DLGAP2: variants seen among roughly 807,000 people sequenced by gnomAD.
The protein encoded by DLGAP2 is disks large-associated protein 2.
In DLGAP2, 26 loss-of-function variants were observed where a neutral mutation model predicts 100.3. The observed-to-expected ratio is 0.26, with a 90% CI of 0.19 to 0.36. DLGAP2 has a LOEUF of 0.36. DLGAP2 is among the 10% of genes least tolerant of loss of function. The pLI is 1.00. For missense variants in DLGAP2, 1,858 were observed against 1,453.2 expected (o/e 1.28, Z -4.53); for synonymous variants, 886 against 630.1 (o/e 1.41, Z -6.08).
At chr8:1,457,996 AT>A (rs1168077354) in intron 3 of DLGAP2, among the ~76,000 whole-genome samples, 2 of 139,176 alleles carry the variant, frequency 1.4e-5, no homozygotes, top group Non-Finnish European at 1.5e-5. Flanking sequence ...ATATATATAT[AT>A]ATATATATAT....
At chr8:876,391 T>C (rs1797687536) in intron 1 of DLGAP2, among the ~76,000 whole-genome samples, 1 of 152,182 alleles carries the variant, frequency 6.6e-6, no homozygotes, top group African/African-American at 2.4e-5. Flanking sequence ...AAGAATAGGT[T>C]TTCTGGATAC....
chr8:762,404 C>G (rs903074728), intron 1 of DLGAP2, among the ~76,000 whole-genome samples: 13 of 152,170 alleles, frequency 8.5e-5, no homozygotes, highest in African/African-American at 2.9e-4. Context: ...TGAGAACTTT[C>G]AAGCATGTAA....
intron 1 of DLGAP2, among the ~76,000 whole-genome samples, chr8:860,537 C>T (rs1028407657): frequency 5.3e-5 from 8 of 152,336 alleles, no homozygotes; most frequent in Admixed American, 1.3e-4. Context: ...CCCGGCAAAC[C>T]GTCTGCATTT....
chr8:1,645,155 A>G (rs2130801239), intron 8 of DLGAP2, among the ~76,000 whole-genome samples: 1 of 152,368 alleles, frequency 6.6e-6, no homozygotes, highest in East Asian at 1.9e-4. Context: ...AATGAAACAG[A>G]ATCATTCAAC....
intron 2 of DLGAP2, among the ~76,000 whole-genome samples, chr8:1,258,034 C>T (rs527644230): frequency 1.2e-3 from 179 of 152,334 alleles, no homozygotes; most frequent in Non-Finnish European, 2.0e-3. Flanking sequence ...GTGAGGATCA[C>T]CTGTAAATGC....
intron 2 of DLGAP2, among the ~76,000 whole-genome samples, chr8:1,013,544 G>C (rs1257924551): frequency 1.3e-5 from 2 of 152,288 alleles, no homozygotes; most frequent in East Asian, 1.9e-4. Context: ...TGATGTTGCC[G>C]CAGAGGTCTC....
At chr8:1,141,307 G>A (rs553631832) in intron 2 of DLGAP2, among the ~76,000 whole-genome samples, 1 of 152,192 alleles carries the variant, frequency 6.6e-6, no homozygotes, top group Non-Finnish European at 1.5e-5. Flanking sequence ...TTTAAATTCT[G>A]TAACTGGATT....
At chr8:1,077,240 C>G (rs1023078497) in intron 2 of DLGAP2, among the ~76,000 whole-genome samples, 4 of 152,198 alleles carry the variant, frequency 2.6e-5, no homozygotes, top group African/African-American at 4.8e-5. Flanking sequence ...CATGACCTCA[C>G]CTTACCTCGT....
chr8:829,120 G>A (rs1037199527), intron 1 of DLGAP2, among the ~76,000 whole-genome samples: 2 of 152,176 alleles, frequency 1.3e-5, no homozygotes, highest in African/African-American at 4.8e-5. Context: ...GAAATCCCTA[G>A]TGTTTTCTTC....
intron 3 of DLGAP2, among the ~76,000 whole-genome samples, chr8:1,454,885 G>A (rs190929020): frequency 3.0e-4 from 46 of 152,192 alleles, no homozygotes; most frequent in African/African-American, 5.1e-4. Flanking sequence ...CCACCCTCCC[G>A]TCATGCAGAC....
chr8:1,010,293 C>T (rs1189389431), intron 2 of DLGAP2, among the ~76,000 whole-genome samples: 1 of 130,492 alleles, frequency 7.7e-6, no homozygotes, highest in Non-Finnish European at 1.6e-5. Flanking sequence ...TATGTGTGTA[C>T]ACTCAGATAT....
chr8:1,124,180 A>G (rs1262072756), intron 2 of DLGAP2, among the ~76,000 whole-genome samples: 6 of 152,238 alleles, frequency 3.9e-5, no homozygotes, highest in African/African-American at 1.2e-4. Context: ...TTCAATTCTC[A>G]TAGCATACAT....
chr8:1,249,922 C>T (rs567704222), intron 2 of DLGAP2, among the ~76,000 whole-genome samples: 3 of 152,156 alleles, frequency 2.0e-5, no homozygotes, highest in Non-Finnish European at 4.4e-5. Context: ...GCTCTGTCAC[C>T]CAGGCTGGAG....
At chr8:1,504,748 T>C (rs1799847457) in intron 4 of DLGAP2, among the ~76,000 whole-genome samples, 1 of 152,156 alleles carries the variant, frequency 6.6e-6, no homozygotes, top group Non-Finnish European at 1.5e-5. Context: ...TGAGTAGGTA[T>C]TCCACATTTT....
intron 3 of DLGAP2, among the ~76,000 whole-genome samples, chr8:1,477,045 C>A (rs1798953702): frequency 7.0e-6 from 1 of 143,262 alleles, no homozygotes; most frequent in African/African-American, 2.4e-5. Flanking sequence ...GTCATTCCTT[C>A]AGAGCAAAGC....
chr8:1,609,104 G>A (rs367825993), intron 6 of DLGAP2, among the ~76,000 whole-genome samples: 2 of 115,134 alleles, frequency 1.7e-5, no homozygotes, highest in African/African-American at 5.7e-5. Context: ...TCACCAAAAT[G>A]GAAATGAAGG....
chr8:828,615 G>C (rs900498207), intron 1 of DLGAP2, among the ~76,000 whole-genome samples: 1 of 152,150 alleles, frequency 6.6e-6, no homozygotes, highest in African/African-American at 2.4e-5. Context: ...GTCCTGAGAC[G>C]ATATGCATCC....
chr8:1,637,158 G>T (rs1009530439), intron 8 of DLGAP2, among the ~76,000 whole-genome samples: 1 of 152,192 alleles, frequency 6.6e-6, no homozygotes, highest in African/African-American at 2.4e-5. Context: ...CTCTGACCGG[G>T]CCCTTCACCC....
At chr8:977,462 C>A (rs1800195234) in intron 2 of DLGAP2, among the ~76,000 whole-genome samples, 3 of 152,302 alleles carry the variant, frequency 2.0e-5, no homozygotes, top group South Asian at 4.1e-4. Context: ...ATGTGTGACA[C>A]TTTCTGATAT....
Sources: allele counts gnomAD v4.1 joint callset (sites outside exome capture counted in the v4.1 genomes callset), GRCh38; gene constraint gnomAD v4.1.1; transcripts MANE v1.5; gene names NCBI Gene and HGNC (gene_info 2026-07-23, HGNC 2026-07-21).